The following BABAM2 variants were observed in gnomAD, a reference collection of about 807,000 sequenced individuals.
BABAM2 encodes BRISC and BRCA1-A complex member 2.
Under a neutral mutation model 54.7 loss-of-function variants are expected in BABAM2, and 31 were observed. That is an observed-to-expected ratio of 0.57 (90% CI 0.43 to 0.77). The LOEUF (loss-of-function observed/expected upper bound fraction) is 0.77. BABAM2 is among the 30% of genes least tolerant of loss of function. The probability of loss-of-function intolerance (pLI) is 0.00; values close to 1 mark genes in which losing one functional copy is unlikely to be tolerated. For missense variants in BABAM2, 364 were observed against 455.8 expected, an observed-to-expected ratio of 0.80 and a Z score of 1.83; for synonymous variants, 167 against 162.9, an observed-to-expected ratio of 1.03 and a Z score of -0.19.
intron 4 of BABAM2, among the ~76,000 whole-genome samples, chr2:28,022,866 C>T (rs1202734036): frequency 6.6e-6 from 1 of 152,190 alleles, no homozygotes; most frequent in Non-Finnish European, 1.5e-5. Context: ...TATTGCCAGA[C>T]CTGTTTTTAA....
intron 7 of BABAM2, among the ~76,000 whole-genome samples, chr2:28,179,364 A>G (rs1260838263): frequency 1.3e-5 from 2 of 152,194 alleles, no homozygotes; most frequent in Non-Finnish European, 2.9e-5. Context: ...AGCCATCATC[A>G]GAGTGAAGGA....
rs184788554 is a variant in BABAM2, at chr2:28,136,637, G to A, written c.680+7257G>A. ...AGGTGGAGCCCTGTTTCATAAGAGC[G>A]GTTTATCAACTGAATCCTGGAGGTG... On this transcript the variant is annotated intron_variant, in intron 7 of 11. Transcript: ENST00000379624. 8.5e-5 allele frequency among the ~76,000 whole-genome samples: 13 copies of A among 152,336 alleles called. 1 individual carries two copies. Among genetic ancestry groups the A allele is most frequent in the Admixed American group, 2.6e-4 (4 of 15,304 alleles).
At chr2:27,912,265 T>C (rs1217203791) in intron 2 of BABAM2, among the ~76,000 whole-genome samples, 1 of 152,132 alleles carries the variant, frequency 6.6e-6, no homozygotes, top group Non-Finnish European at 1.5e-5. Context: ...TTTTCCATTA[T>C]TAAAGTTATT....
intron 10 of BABAM2, among the ~76,000 whole-genome samples, chr2:28,253,775 A>G (rs2148111672): frequency 6.6e-6 from 1 of 152,306 alleles, no homozygotes; most frequent in African/African-American, 2.4e-5. Context: ...TATGGAGACT[A>G]TCTCATCTCT....
intron 1 of BABAM2, among the ~76,000 whole-genome samples, chr2:27,891,727 A>G (rs1426621552): frequency 9.4e-5 from 11 of 117,168 alleles, no homozygotes; most frequent in African/African-American, 1.7e-4. Flanking sequence ...GAGAAGTCAC[A>G]CCTCCTCATG....
At chr2:27,917,321 T>TG (rs1429090662) in intron 2 of BABAM2, among the ~76,000 whole-genome samples, 1 of 152,270 alleles carries the variant, frequency 6.6e-6, no homozygotes, top group East Asian at 1.9e-4. Flanking sequence ...CGGCCCAAAG[T>TG]GTTTTTTTAA....
chr2:28,327,022 C>T (rs948727669), intron 11 of BABAM2, among the ~76,000 whole-genome samples: 1 of 152,230 alleles, frequency 6.6e-6, no homozygotes, highest in South Asian at 2.1e-4. Flanking sequence ...GTGTTGGACA[C>T]TATGCTCCAG....
intron 2 of BABAM2, among the ~76,000 whole-genome samples, chr2:27,902,190 T>C (rs575106287): frequency 6.6e-6 from 1 of 152,360 alleles, no homozygotes; most frequent in South Asian, 2.1e-4. Context: ...GGGACAGTTT[T>C]TTAAACTGAG....
At chr2:28,185,871 T>C (rs1676228904) in intron 7 of BABAM2, among the ~76,000 whole-genome samples, 1 of 152,166 alleles carries the variant, frequency 6.6e-6, no homozygotes, top group Non-Finnish European at 1.5e-5. Flanking sequence ...GGAATCGTGC[T>C]CTTTTAAATA....
chr2:28,212,799 A>G (rs189411973), intron 7 of BABAM2, among the ~76,000 whole-genome samples: 45 of 152,224 alleles, frequency 3.0e-4, no homozygotes, highest in Admixed American at 2.6e-3. Flanking sequence ...GTTATTGACA[A>G]TGCTGTTAAA....
At chr2:27,890,309 C>A (rs144772878), upstream of BABAM2, 2 of 1,613,806 alleles carry the variant, frequency 1.2e-6, no homozygotes, top group African/African-American at 2.7e-5. The surrounding 1 kb of genome is among the most constrained non-coding windows in gnomAD (Gnocchi z 4.8). Context: ...GCCACCTCCT[C>A]TTGCCACTGC....
At chr2:28,044,328 C>G (rs1677380925) in intron 5 of BABAM2, among the ~76,000 whole-genome samples, 2 of 152,186 alleles carry the variant, frequency 1.3e-5, no homozygotes, top group Non-Finnish European at 1.5e-5. Context: ...CTCCCAGGTT[C>G]AAGTGATTCT....
intron 7 of BABAM2, among the ~76,000 whole-genome samples, chr2:28,133,528 A>G (rs57911164): frequency 0.071 from 10,828 of 152,284 alleles, 442 homozygotes; most frequent in East Asian, 0.15. Context: ...GGAGAGACCA[A>G]TAGCCCCATC....
chr2:28,261,076 G>A (rs184947413), intron 10 of BABAM2, among the ~76,000 whole-genome samples: 25 of 149,936 alleles, frequency 1.7e-4, no homozygotes, highest in Admixed American at 1.7e-3. Flanking sequence ...CAAATACCTG[G>A]TATTACAGGC....
chr2:28,323,018 G>T (rs960790938), intron 11 of BABAM2, among the ~76,000 whole-genome samples: 5 of 152,170 alleles, frequency 3.3e-5, no homozygotes, highest in African/African-American at 1.2e-4. Flanking sequence ...AGTAAGAAGC[G>T]GCAGGCCAAG....
chr2:28,057,278 T>C (rs1022712143), intron 6 of BABAM2, among the ~76,000 whole-genome samples: 3 of 152,222 alleles, frequency 2.0e-5, no homozygotes, highest in African/African-American at 7.2e-5. Flanking sequence ...AGACCATACT[T>C]CCTTGTCTTA....
intron 7 of BABAM2, among the ~76,000 whole-genome samples, chr2:28,173,472 A>G (rs969955603): frequency 1.3e-5 from 2 of 152,188 alleles, no homozygotes; most frequent in African/African-American, 4.8e-5. Flanking sequence ...TAAAATGACA[A>G]TCCTGGGATG....
chr2:28,236,867 C>T (rs954673255), intron 7 of BABAM2, among the ~76,000 whole-genome samples: 1 of 152,030 alleles, frequency 6.6e-6, no homozygotes, highest in Admixed American at 6.6e-5. Flanking sequence ...TATCTGTGCC[C>T]AGCAAAGAAT....
At chr2:28,006,047 G>T (rs1337995626) in intron 4 of BABAM2, among the ~76,000 whole-genome samples, 4 of 151,994 alleles carry the variant, frequency 2.6e-5, no homozygotes, top group Non-Finnish European at 5.9e-5. Context: ...TAAGATCTAT[G>T]CATTGTGATT....
Sources: allele counts gnomAD v4.1 joint callset (sites outside exome capture counted in the v4.1 genomes callset), GRCh38; gene constraint gnomAD v4.1.1; non-coding constraint Gnocchi (gnomAD v3.1); transcripts MANE v1.5; gene names NCBI Gene and HGNC (gene_info 2026-07-23, HGNC 2026-07-21).